KIF14: variants seen among roughly 807,000 people sequenced by gnomAD.
KIF14 encodes kinesin-like protein KIF14.
A neutral mutation model predicts 176.2 loss-of-function variants in KIF14; 98 were observed. The ratio of observed to expected loss-of-function variants is 0.56; its 90% CI spans 0.47 to 0.66. The LOEUF is 0.66. KIF14 is among the 30% of genes least tolerant of loss of function. The pLI, the probability that KIF14 is intolerant of heterozygous loss-of-function variation, is 0.00. For missense variants in KIF14, 1,751 were observed against 1,920.4 expected (o/e 0.91, Z 1.65); for synonymous variants, 566 against 632.2 (o/e 0.90, Z 1.57).
At chr1:200,560,118 G>T (rs549862685) in intron 26 of KIF14, among the ~76,000 whole-genome samples, 2 of 152,302 alleles carry the variant, frequency 1.3e-5, no homozygotes, top group Admixed American at 6.5e-5. Flanking sequence ...AAAGCAAGCA[G>T]ATACAAATTA....
intron 23 of KIF14, among the ~76,000 whole-genome samples, chr1:200,567,172 CA>C (rs374186998): frequency 6.8e-4 from 96 of 142,202 alleles, no homozygotes; most frequent in Middle Eastern, 3.8e-3. Flanking sequence ...ACTCTGTCCT[CA>C]AAAAAAAAAA....
chr1:200,613,851 A>T (rs1660276142), intron 4 of KIF14, among the ~76,000 whole-genome samples: 1 of 152,226 alleles, frequency 6.6e-6, no homozygotes, highest in African/African-American at 2.4e-5. Context: ...GAATAAGTGA[A>T]ATAGGAAGCC....
At chr1:200,556,215 C>CA (rs199543784) in intron 27 of KIF14, among the ~76,000 whole-genome samples, 2,243 of 152,226 alleles carry the variant, frequency 0.015, 25 homozygotes, top group South Asian at 0.027. Context: ...CTTTCCTGCT[C>CA]AATTTCTGCC....
chr1:200,566,358 C>T (rs538763833), intron 23 of KIF14, among the ~76,000 whole-genome samples: 13 of 150,998 alleles, frequency 8.6e-5, no homozygotes, highest in East Asian at 6.0e-4. Flanking sequence ...TTTGGGAGGC[C>T]GAGGCAGGCA....
intron 17 of KIF14, 47 bp from the exon 18 acceptor site, chr1:200,589,416 A>C (rs1658927033): frequency 4.0e-6 from 6 of 1,485,660 alleles, no homozygotes; most frequent in African/African-American, 1.4e-5. Flanking sequence ...AACCGTAGCA[A>C]AAAAGTACAA....
chr1:200,596,561 CTT>C (rs60386347), intron 14 of KIF14, among the ~76,000 whole-genome samples: 10,098 of 102,680 alleles, frequency 0.098, 316 homozygotes, highest in South Asian at 0.11. Flanking sequence ...GTACAACAGT[CTT>C]TTTTTTTTTT....
At position 200,610,952 on chromosome 1, in the gene KIF14, C is replaced by T. The variant is rs578159823; in HGVS notation, c.1456-2024G>A. Among the ~76,000 whole-genome samples, 8 of 152,296 alleles carry T rather than the reference C, an allele frequency of 5.3e-5. No individual in the cohort carries two copies. The South Asian group carries it at 1.5e-3, about 28-fold the overall frequency. ...TCACATGTGCTCAGAATAGGAAAGA[C>T]ACCCTGTAGGTTGACATTTGATCTG... On this transcript the variant is annotated intron_variant, in intron 4 of 29. Transcript: ENST00000367350.
intron 27 of KIF14, among the ~76,000 whole-genome samples, chr1:200,557,120 C>T (rs1251076863): frequency 6.6e-6 from 1 of 152,218 alleles, no homozygotes; most frequent in Non-Finnish European, 1.5e-5. Flanking sequence ...TCTCCTGCCT[C>T]AGCCTCCTGA....
intron 27 of KIF14, among the ~76,000 whole-genome samples, chr1:200,556,805 G>C (rs1656854092): frequency 1.3e-5 from 2 of 152,162 alleles, no homozygotes; most frequent in Admixed American, 6.6e-5. Flanking sequence ...GTGATAAATG[G>C]TGCTGCTGCT....
At position 200,587,241 on chromosome 1, in the gene KIF14, T is replaced by C. The variant is rs1348085686; in HGVS notation, c.3115-1014A>G. The stretch of plus-strand genomic sequence containing the variant: ...GAAAAACTACCTATTGGGTACAATG[T>C]AAGCTACTCAGGTGACAGGTGCACT... On this transcript the variant is annotated intron_variant, in intron 18 of 29. Transcript: ENST00000367350. 5.3e-5 allele frequency among the ~76,000 whole-genome samples: 8 copies of C among 152,126 alleles called. 1 individual carries two copies. Among genetic ancestry groups the C allele is most frequent in the Non-Finnish European group, 1.2e-4 (8 of 68,010 alleles).
At chr1:200,576,454 G>A (rs1185224179) in intron 21 of KIF14, among the ~76,000 whole-genome samples, 1 of 148,676 alleles carries the variant, frequency 6.7e-6, no homozygotes, top group Non-Finnish European at 1.5e-5. Flanking sequence ...CTCCAGCCTG[G>A]GCGACAGAGC....
At chr1:200,575,240 G>C (rs909395956) in intron 22 of KIF14, among the ~76,000 whole-genome samples, 1 of 152,034 alleles carries the variant, frequency 6.6e-6, no homozygotes, top group Non-Finnish European at 1.5e-5. Context: ...ACAGGCATGA[G>C]CCACCACACC....
At chr1:200,607,747 G>A (rs1445845505) in intron 5 of KIF14, among the ~76,000 whole-genome samples, 1 of 152,130 alleles carries the variant, frequency 6.6e-6, no homozygotes, top group South Asian at 2.1e-4. Context: ...CTGTCGCCAG[G>A]CTGGAGTGCG....
Position 200,608,946 on chromosome 1 carries a change from A to C in KIF14, c.1456-18T>G. 1 of 1,396,346 alleles carries C rather than the reference A, an allele frequency of 7.2e-7. No homozygotes were observed. Among genetic ancestry groups the C allele is most frequent in the Non-Finnish European group, 1.0e-6 (1 of 988,176 alleles). 86.5% of individuals were successfully genotyped at this position (1,396,346 alleles called of 1,614,324 possible). A position where few individuals can be genotyped will look rare whatever the true frequency, so the allele number is the denominator to read the frequency against. ...TAGCTGACCTAGTAGGAATAGAAAC[A>C]CAGCATATAATTTATTTTGATGTTT... On this transcript the variant is annotated intron_variant, in intron 4 of 29. Coordinates refer to ENST00000367350, the MANE Select transcript of KIF14 (RefSeq NM_014875.3).
chr1:200,554,653 AT>A (rs1656740125), intron 28 of KIF14, 47 bp from the exon 29 acceptor site: 1 of 977,472 alleles, frequency 1.0e-6, no homozygotes, highest in African/African-American at 1.7e-5. Flanking sequence ...AACAGGCTCA[AT>A]GGCAGTAAGG....
At chr1:200,598,650 C>T (rs1659483849) in intron 13 of KIF14, among the ~76,000 whole-genome samples, 1 of 152,192 alleles carries the variant, frequency 6.6e-6, no homozygotes, top group South Asian at 2.1e-4. Flanking sequence ...CCTCTGCCTC[C>T]TGGGTTCAAA....
intron 15 of KIF14, among the ~76,000 whole-genome samples, chr1:200,592,856 A>G (rs1659124451): frequency 6.6e-6 from 1 of 152,226 alleles, no homozygotes; most frequent in South Asian, 2.1e-4. Flanking sequence ...AAACCTGTAC[A>G]GCATGTTACT....
At chr1:200,588,254 T>TG (rs1658864942) in intron 18 of KIF14, among the ~76,000 whole-genome samples, 1 of 151,554 alleles carries the variant, frequency 6.6e-6, no homozygotes, top group South Asian at 2.1e-4. Context: ...TTTTGTTTTT[T>TG]TTTTTTTGAC....
In KIF14 at chr1:200,618,424, T is replaced by C; in HGVS notation, c.300A>G (p.Ser100=). 2 of 1,614,120 alleles carry C rather than the reference T, an allele frequency of 1.2e-6. No individual in the cohort carries two copies. The highest frequency in any genetic ancestry group is 2.2e-5 in the East Asian group (1 of 44,874). The change falls in exon 2 of 30, where the codon TCA becomes TCG. Residue 100 remains serine, a synonymous_variant. Coordinates refer to ENST00000367350, the MANE Select transcript of KIF14 (RefSeq NM_014875.3). ...LQRRTTRNKE[S]SLLVSELEDT... is the part of the protein sequence containing the mutation. ...CTTCCAACTCACTAACAAGCAAAGA[T>C]GATTCTTTGTTCCTTGTAGTTCTCC...
Sources: allele counts gnomAD v4.1 joint callset (sites outside exome capture counted in the v4.1 genomes callset), GRCh38; gene constraint gnomAD v4.1.1; transcripts MANE v1.5; gene names NCBI Gene and HGNC (gene_info 2026-07-23, HGNC 2026-07-21).